PTPRD: variants seen among roughly 807,000 people sequenced by gnomAD.
PTPRD encodes protein tyrosine phosphatase receptor type D.
A neutral mutation model predicts 214.5 loss-of-function variants in PTPRD; 34 were observed. That is an observed-to-expected ratio of 0.16 (90% CI 0.12 to 0.21). PTPRD has a LOEUF of 0.21. Ranked by LOEUF, PTPRD falls within the 10% of genes least tolerant of loss-of-function variation. The pLI is 1.00. For synonymous variants in PTPRD, 1,128 were observed against 845.7 expected (o/e 1.33, Z -5.79); for missense variants, 2,545 against 2,398.7 (o/e 1.06, Z -1.27).
intron 3 of PTPRD, among the ~76,000 whole-genome samples, chr9:10,171,415 T>C (rs1049671931): frequency 5.3e-5 from 8 of 152,148 alleles, no homozygotes; most frequent in African/African-American, 1.7e-4. Context: ...CACGGACATG[T>C]AGGAAGTTCC....
At chr9:9,994,359 T>A (rs138232178) in intron 4 of PTPRD, among the ~76,000 whole-genome samples, 1 of 152,350 alleles carries the variant, frequency 6.6e-6, no homozygotes, top group East Asian at 1.9e-4. Flanking sequence ...TCAGCACCAA[T>A]GTACTTTATT....
intron 9 of PTPRD, among the ~76,000 whole-genome samples, chr9:9,365,038 A>C (rs1191053997): frequency 6.6e-6 from 1 of 151,340 alleles, no homozygotes; most frequent in Non-Finnish European, 1.5e-5. Context: ...GTCAAGGATG[A>C]CTCCCATCTT....
chr9:10,460,954 T>C (rs898952932), intron 2 of PTPRD, among the ~76,000 whole-genome samples: 3 of 151,958 alleles, frequency 2.0e-5, no homozygotes, highest in Admixed American at 1.3e-4. Flanking sequence ...GAGAAGGTAA[T>C]CAACAGACTG....
rs1424982242 is a variant in PTPRD, at chr9:9,587,393, A to T, written c.-286-12612T>A. On this transcript the variant is annotated intron_variant, in intron 7 of 45. Transcript: ENST00000381196. ...ATTTTATAGACAAATTAACTTAGGCACAGAACAATGAAACTACTTGCCCAT... is the reference window on the plus strand; with the variant it reads ...ATTTTATAGACAAATTAACTTAGGCTCAGAACAATGAAACTACTTGCCCAT... Among the ~76,000 whole-genome samples the T allele has an allele frequency of 2.0e-5, 3 of 152,078 alleles. No homozygotes were observed. In the East Asian group the frequency reaches 5.8e-4, roughly 29 times the overall value.
intron 5 of PTPRD, among the ~76,000 whole-genome samples, chr9:9,768,690 A>G (rs2098726502): frequency 6.6e-6 from 1 of 152,184 alleles, no homozygotes; most frequent in Non-Finnish European, 1.5e-5. Context: ...AACCTCCTTA[A>G]ATGACAAGGA....
chr9:9,661,514 AC>A (rs1332507674), intron 7 of PTPRD, among the ~76,000 whole-genome samples: 10 of 151,866 alleles, frequency 6.6e-5, no homozygotes, highest in African/African-American at 2.4e-4. Flanking sequence ...ATTATGCTAA[AC>A]TATGGTATCA....
intron 2 of PTPRD, among the ~76,000 whole-genome samples, chr9:10,394,903 A>T (rs2098137797): frequency 6.7e-6 from 1 of 150,238 alleles, no homozygotes; most frequent in African/African-American, 2.4e-5. Context: ...ATGAATGTGG[A>T]TTTAATATGC....
At chr9:10,388,800 A>G (rs894701971) in intron 2 of PTPRD, among the ~76,000 whole-genome samples, 3 of 151,830 alleles carry the variant, frequency 2.0e-5, no homozygotes, top group Admixed American at 1.3e-4. Context: ...TTCTTTAGGA[A>G]GTGTGAGGAA....
At chr9:9,472,434 A>T (rs1193195952) in intron 8 of PTPRD, among the ~76,000 whole-genome samples, 1 of 151,382 alleles carries the variant, frequency 6.6e-6, no homozygotes, top group Non-Finnish European at 1.5e-5. Flanking sequence ...CGATCTCCTG[A>T]CCTCATGATC....
At chr9:9,742,712 T>C (rs1158216935) in intron 6 of PTPRD, among the ~76,000 whole-genome samples, 1 of 152,124 alleles carries the variant, frequency 6.6e-6, no homozygotes, top group Non-Finnish European at 1.5e-5. Context: ...AACACAAGAC[T>C]TTTATACCTA....
intron 6 of PTPRD, among the ~76,000 whole-genome samples, chr9:9,748,475 G>C (rs1161782233): frequency 6.6e-6 from 1 of 152,190 alleles, no homozygotes; most frequent in Non-Finnish European, 1.5e-5. Context: ...TGTCAATTGT[G>C]ATTCAACTTA....
At chr9:10,170,399 A>G (rs1481397853) in intron 3 of PTPRD, among the ~76,000 whole-genome samples, 2 of 152,176 alleles carry the variant, frequency 1.3e-5, no homozygotes, top group Non-Finnish European at 2.9e-5. Flanking sequence ...GTGTTTTAGA[A>G]ATCATTTTTT....
At chr9:9,291,004 G>C (rs1195047203) in intron 9 of PTPRD, among the ~76,000 whole-genome samples, 1 of 151,328 alleles carries the variant, frequency 6.6e-6, no homozygotes, top group Non-Finnish European at 1.5e-5. Context: ...TAATAGCAAA[G>C]ATATCTCAAT....
chr9:9,388,516 A>C (rs2064685435), intron 9 of PTPRD, among the ~76,000 whole-genome samples: 1 of 152,198 alleles, frequency 6.6e-6, no homozygotes, highest in Admixed American at 6.5e-5. Flanking sequence ...AAGTAAACTA[A>C]GATGTATGGT....
intron 10 of PTPRD, among the ~76,000 whole-genome samples, chr9:9,173,656 T>G (rs2099922843): frequency 6.6e-6 from 1 of 152,106 alleles, no homozygotes; most frequent in Admixed American, 6.6e-5. Flanking sequence ...TATCTAGACA[T>G]ATCTAAACAT....
intron 11 of PTPRD, among the ~76,000 whole-genome samples, chr9:8,785,962 C>A (rs1189040414): frequency 6.6e-6 from 1 of 152,100 alleles, no homozygotes; most frequent in Non-Finnish European, 1.5e-5. Flanking sequence ...GATGGCCCAA[C>A]AGAATCACTT....
In PTPRD at chr9:9,789,054, A is replaced by G. The variant is rs376124434; in HGVS notation, c.-367-22203T>C. The stretch of plus-strand genomic sequence containing the variant: ...TACCTGACACATTATACATGTTTAA[A>G]TATTTTCTGGCTGGCTACATGGACA... On this transcript the variant is annotated intron_variant, in intron 5 of 45. Transcript: ENST00000381196. Among the ~76,000 whole-genome samples the G allele has an allele frequency of 4.5e-4, 69 of 152,316 alleles. No individual in the cohort carries two copies. In the East Asian group the frequency reaches 9.6e-3, roughly 21 times the overall value.
chr9:10,471,841 A>G lies in PTPRD; in HGVS notation c.-599-130824T>C, dbSNP rs556396966. Among the ~76,000 whole-genome samples the G allele has an allele frequency of 1.9e-3, 287 of 152,204 alleles. 1 individual carries two copies. The highest frequency in any genetic ancestry group is 6.8e-3 in the African/African-American group (282 of 41,552). On this transcript the variant is annotated intron_variant, in intron 2 of 45. Transcript: ENST00000381196. ...GCTTTAAAATGAAAACACACAAGTA[A>G]ATTATACCTAGACCATAATTATTTG...
chr9:9,459,547 T>C (rs1170317022), intron 8 of PTPRD, among the ~76,000 whole-genome samples: 1 of 152,116 alleles, frequency 6.6e-6, no homozygotes, highest in Non-Finnish European at 1.5e-5. Context: ...ATTCCATTTC[T>C]GTACATCCAC....
Sources: gnomAD v4.1 joint callset for allele counts (sites outside exome capture counted in the v4.1 genomes callset) on GRCh38, gnomAD v4.1.1 for gene constraint, MANE v1.5 for transcripts, NCBI Gene and HGNC (gene_info 2026-07-23, HGNC 2026-07-21) for gene names.